Variants in CNTN4 observed in about 807,000 individuals in gnomAD.
CNTN4 encodes contactin-4.
In CNTN4, 77 loss-of-function variants were observed where a neutral mutation model predicts 122.5. The ratio of observed to expected loss-of-function variants is 0.63; its 90% CI spans 0.52 to 0.76. CNTN4 has a LOEUF of 0.76. Ranked by LOEUF, CNTN4 falls within the 30% of genes least tolerant of loss-of-function variation. The pLI, the probability that CNTN4 is intolerant of heterozygous loss-of-function variation, is 0.00. For synonymous variants in CNTN4, 512 were observed against 447.0 expected, an observed-to-expected ratio of 1.15 and a Z score of -1.83; for missense variants, 1,256 against 1,259.1, an observed-to-expected ratio of 1.00 and a Z score of 0.04.
At chr3:3,029,310 G>T (rs55774409) in intron 15 of CNTN4, among the ~76,000 whole-genome samples, 3,960 of 152,258 alleles carry the variant, frequency 0.026, 177 homozygotes, top group African/African-American at 0.09. Flanking sequence ...ACGCTTCAAG[G>T]TTTCAGAAGA....
At chr3:2,644,441 T>G (rs1385851890) in intron 4 of CNTN4, among the ~76,000 whole-genome samples, 1 of 152,132 alleles carries the variant, frequency 6.6e-6, no homozygotes, top group Non-Finnish European at 1.5e-5. Flanking sequence ...GAAACTCTCT[T>G]GAGTCTCAGA....
At chr3:2,461,330 AATT>A (rs201755265) in intron 3 of CNTN4, among the ~76,000 whole-genome samples, 1 of 148,666 alleles carries the variant, frequency 6.7e-6, no homozygotes, top group African/African-American at 2.4e-5. Context: ...AGTTATCATT[AATT>A]ATTAATTATT....
intron 23 of CNTN4, among the ~76,000 whole-genome samples, chr3:3,045,670 A>G (rs1700572106): frequency 6.6e-6 from 1 of 152,204 alleles, no homozygotes; most frequent in South Asian, 2.1e-4. Flanking sequence ...AAAACCACAG[A>G]TATGGGGAAA....
chr3:2,141,284 A>T (rs1227825544), intron 2 of CNTN4, among the ~76,000 whole-genome samples: 2 of 152,206 alleles, frequency 1.3e-5, no homozygotes, highest in African/African-American at 4.8e-5. Flanking sequence ...AAAATTCTGG[A>T]TTATCCTAGT....
chr3:2,460,687 C>G (rs147061106), intron 3 of CNTN4, among the ~76,000 whole-genome samples: 2,364 of 152,252 alleles, frequency 0.016, 61 homozygotes, highest in African/African-American at 0.054. Flanking sequence ...TTAAGGATTA[C>G]AGTTGAAGAT....
chr3:2,428,925 A>G (rs555978303), intron 3 of CNTN4, among the ~76,000 whole-genome samples: 2 of 152,280 alleles, frequency 1.3e-5, no homozygotes, highest in South Asian at 4.1e-4. Context: ...CAGCTCCATC[A>G]GGTCATTTAA....
intron 3 of CNTN4, among the ~76,000 whole-genome samples, chr3:2,354,352 G>C (rs565054617): frequency 6.6e-6 from 1 of 152,090 alleles, no homozygotes; most frequent in Admixed American, 6.5e-5. Flanking sequence ...CCAATGTGGC[G>C]AAACCCCATC....
intron 2 of CNTN4, among the ~76,000 whole-genome samples, chr3:2,283,754 C>T (rs2041806978): frequency 6.6e-6 from 1 of 152,042 alleles, no homozygotes; most frequent in Non-Finnish European, 1.5e-5. Flanking sequence ...TCACCCATTC[C>T]CTAAATACAA....
At chr3:2,719,253 T>A (rs1320196933) in intron 4 of CNTN4, among the ~76,000 whole-genome samples, 2 of 151,512 alleles carry the variant, frequency 1.3e-5, no homozygotes, top group African/African-American at 4.9e-5. Context: ...TAGAGTGACC[T>A]AACATTAGAA....
chr3:2,153,446 G>A (rs1404044265), intron 2 of CNTN4, among the ~76,000 whole-genome samples: 1 of 152,218 alleles, frequency 6.6e-6, no homozygotes, highest in African/African-American at 2.4e-5. Context: ...AACCTGGGGA[G>A]AATTGTTGAC....
At chr3:2,327,933 T>C (rs2043529559) in intron 2 of CNTN4, among the ~76,000 whole-genome samples, 1 of 152,158 alleles carries the variant, frequency 6.6e-6, no homozygotes, top group African/African-American at 2.4e-5. Flanking sequence ...CCCTCACCCC[T>C]TCCCCACTGA....
chr3:2,888,416 G>A (rs1484991619), intron 10 of CNTN4, among the ~76,000 whole-genome samples: 3 of 151,924 alleles, frequency 2.0e-5, no homozygotes, highest in Non-Finnish European at 4.4e-5. Context: ...CTTATTTTTT[G>A]CCTGATAAGA....
chr3:2,970,093 T>G (rs1692747104), intron 13 of CNTN4, among the ~76,000 whole-genome samples: 1 of 150,998 alleles, frequency 6.6e-6, no homozygotes, highest in African/African-American at 2.5e-5. Flanking sequence ...TGTTGTTGTT[T>G]GTTGTTGTTG....
intron 3 of CNTN4, among the ~76,000 whole-genome samples, chr3:2,383,162 C>T (rs2046095262): frequency 6.6e-6 from 1 of 151,886 alleles, no homozygotes; most frequent in African/African-American, 2.4e-5. Context: ...TCCAAGGAGG[C>T]AATATATTAT....
At chr3:2,374,303 C>T (rs899773352) in intron 3 of CNTN4, among the ~76,000 whole-genome samples, 1 of 152,144 alleles carries the variant, frequency 6.6e-6, no homozygotes, top group African/African-American at 2.4e-5. Flanking sequence ...GGAAGGTTAC[C>T]CAGCTCCCTT....
At chr3:2,377,035 A>G (rs1447096242) in intron 3 of CNTN4, among the ~76,000 whole-genome samples, 1 of 152,136 alleles carries the variant, frequency 6.6e-6, no homozygotes, top group African/African-American at 2.4e-5. Flanking sequence ...GCACACCTGT[A>G]GTCCCAGCTA....
chr3:2,328,255 A>C (rs1226028964), intron 2 of CNTN4, among the ~76,000 whole-genome samples: 4 of 151,296 alleles, frequency 2.6e-5, no homozygotes, highest in Non-Finnish European at 5.9e-5. Context: ...AATACAAAAA[A>C]ATTAGCCGGG....
rs375732159 is a variant in CNTN4, at chr3:2,890,558, C to T, written c.940+3334C>T. Among the ~76,000 whole-genome samples, 130 of 152,354 alleles carry T rather than the reference C, an allele frequency of 8.5e-4. 1 individual carries two copies. Among genetic ancestry groups the T allele is most frequent in the Middle Eastern group, 6.8e-3 (2 of 294 alleles). ...ACTTCAGCAACCAGAAGTGTGCTAA[C>T]TCCTATTCAGGGTTGGCAAAATGGC... On this transcript the variant is annotated intron_variant, in intron 10 of 24. Transcript: ENST00000418658.
At chr3:2,174,711 A>G (rs1258278189) in intron 2 of CNTN4, among the ~76,000 whole-genome samples, 1 of 152,162 alleles carries the variant, frequency 6.6e-6, no homozygotes, top group East Asian at 1.9e-4. Flanking sequence ...TTTATTTTAA[A>G]AAGAGGTTTA....
Sources: allele counts gnomAD v4.1 joint callset (sites outside exome capture counted in the v4.1 genomes callset), GRCh38; gene constraint gnomAD v4.1.1; transcripts MANE v1.5; gene names NCBI Gene and HGNC (gene_info 2026-07-23, HGNC 2026-07-21).